The following SYNE1 variants were observed in gnomAD, a reference collection of about 807,000 sequenced individuals.
The protein encoded by SYNE1 is spectrin repeat containing nuclear envelope protein 1.
A neutral mutation model predicts 1,111.0 loss-of-function variants in SYNE1; 616 were observed. That is an observed-to-expected ratio of 0.55 (90% confidence interval 0.52 to 0.59). SYNE1 has a LOEUF of 0.59. SYNE1 is among the 20% of genes least tolerant of loss of function. The pLI, the probability that SYNE1 is intolerant of heterozygous loss-of-function variation, is 0.00. For missense variants in SYNE1, 10,006 were observed against 10,417.0 expected, an observed-to-expected ratio of 0.96 and a Z score of 1.72; for synonymous variants, 3,855 against 3,825.8, an observed-to-expected ratio of 1.01 and a Z score of -0.28.
At chr6:152,544,042 A>G (rs563584749) in intron 3 of SYNE1, among the ~76,000 whole-genome samples, 6 of 152,368 alleles carry the variant, frequency 3.9e-5, no homozygotes, top group African/African-American at 1.4e-4. Context: ...TTAAGAAAAC[A>G]GTTTAAATAT....
intron 39 of SYNE1, among the ~76,000 whole-genome samples, chr6:152,421,263 A>G (rs762768214): frequency 6.6e-6 from 1 of 152,232 alleles, no homozygotes; most frequent in Non-Finnish European, 1.5e-5. Context: ...GATTATCTGC[A>G]GGCACAGATA....
At chr6:152,514,209 CAA>C (rs2154341529) in intron 6 of SYNE1, among the ~76,000 whole-genome samples, 1 of 152,154 alleles carries the variant, frequency 6.6e-6, no homozygotes, top group East Asian at 1.9e-4. Context: ...TTCACAATAG[CAA>C]AGACTTGGAA....
rs764854502 is a variant in SYNE1 at position 152,145,559 on chromosome 6, C to CA, written c.24977-1795dup. 9.3e-6 allele frequency: 15 copies of CA among 1,612,048 alleles called. No individual in the cohort carries two copies. The African/African-American group carries it at 1.6e-4, about 17-fold the overall frequency. ...GGGCTTTCGGGGATCATTACATCTG[C>CA]AAAAAAAGCACAGTCTAAGTTGACA... On this transcript the variant is annotated intron_variant, in intron 137 of 145. Transcript: ENST00000367255.
intron 106 of SYNE1, among the ~76,000 whole-genome samples, chr6:152,243,946 A>G (rs1165540515): frequency 6.6e-6 from 1 of 152,206 alleles, no homozygotes; most frequent in Non-Finnish European, 1.5e-5. Context: ...CTAGCAAAGG[A>G]AATTAACCCA....
At chr6:152,628,242 A>G (rs1237344792) in intron 3 of SYNE1, 23 bp downstream of exon 3, 1 of 1,613,836 alleles carries the variant, frequency 6.2e-7, no homozygotes, top group Admixed American at 1.7e-5. Context: ...ATTTTTTTAA[A>G]ACCTGAAATT....
intron 3 of SYNE1, among the ~76,000 whole-genome samples, chr6:152,589,107 A>T (rs1272862092): frequency 6.6e-6 from 1 of 151,976 alleles, no homozygotes; most frequent in Admixed American, 6.5e-5. Context: ...GGATTTTACC[A>T]CATTGGCCAG....
chr6:152,553,676 C>T (rs1299676012), intron 3 of SYNE1, among the ~76,000 whole-genome samples: 1 of 152,148 alleles, frequency 6.6e-6, no homozygotes, highest in Non-Finnish European at 1.5e-5. Flanking sequence ...TGGGAACTGG[C>T]TCACCTATGA....
intron 16 of SYNE1, among the ~76,000 whole-genome samples, chr6:152,467,315 A>T (rs968323798): frequency 6.6e-6 from 1 of 152,080 alleles, no homozygotes; most frequent in Non-Finnish European, 1.5e-5. Flanking sequence ...ATATCTTCTT[A>T]TTACAACCCA....
At position 152,413,337 on chromosome 6, in the gene SYNE1, T is replaced by C; in HGVS notation, c.6230+15A>G. ...TGGGAAGCTAAAAACAAGAACTGGG[T>C]GGGTTTTGACTTACTTTTCATGAAT... On this transcript the variant is annotated intron_variant, in intron 42 of 145. Coordinates refer to ENST00000367255, the MANE Select transcript of SYNE1 (RefSeq NM_182961.4). 6.2e-7 allele frequency: 1 copy of C among 1,613,990 alleles called. No individual in the cohort carries two copies. Among genetic ancestry groups the C allele is most frequent in the Non-Finnish European group, 8.5e-7 (1 of 1,179,966 alleles).
intron 87 of SYNE1, among the ~76,000 whole-genome samples, chr6:152,315,024 G>A (rs1044198182): frequency 6.7e-6 from 1 of 148,756 alleles, no homozygotes; most frequent in African/African-American, 2.5e-5. Context: ...ATAACCTTAA[G>A]GACTTCATTA....
intron 108 of SYNE1, among the ~76,000 whole-genome samples, chr6:152,238,607 C>T (rs1345072411): frequency 1.3e-5 from 2 of 152,042 alleles, no homozygotes; most frequent in Non-Finnish European, 2.9e-5. Context: ...CAAATACGAC[C>T]TGCAGGCAAC....
At chr6:152,356,991 T>C (rs1416636721) in intron 66 of SYNE1, among the ~76,000 whole-genome samples, 1 of 152,146 alleles carries the variant, frequency 6.6e-6, no homozygotes, top group Non-Finnish European at 1.5e-5. Flanking sequence ...AGAAGGGTTA[T>C]GTAAAGAAAA....
At position 152,326,333 on chromosome 6, in the gene SYNE1, T is replaced by C; in HGVS notation, c.15256A>G (p.Ser5086Gly). Residue 5086 changes from serine (S) to glycine (G), a missense_variant, in exon 79 of 146, where the codon AGC becomes GGC. Ser to Gly is a moderately conservative substitution (Grantham distance 56, BLOSUM62 0). Transcript: ENST00000367255. Reference sequence around the variant, plus strand: ...TCCACTTGGGCACCAGAGTCCCGGCTCATCCTCTGGCTCCTGAGTTCCAGA... The same window carrying C: ...TCCACTTGGGCACCAGAGTCCCGGCCCATCCTCTGGCTCCTGAGTTCCAGA... ...ASLELRSQRM[S>G]RDSGAQVDLL... 1 of 1,614,160 alleles carries C rather than the reference T, an allele frequency of 6.2e-7. No individual in the cohort carries two copies. The highest frequency in any genetic ancestry group is 8.5e-7 in the Non-Finnish European group (1 of 1,180,014).
intron 44 of SYNE1, 113 bp downstream of exon 44, chr6:152,408,955 C>CAAAA: frequency 6.1e-5 from 54 of 887,668 alleles, no homozygotes; most frequent in Non-Finnish European, 7.8e-5. Flanking sequence ...ACTCTGTCTC[C>CAAAA]AAAAAAAAAA....
At chr6:152,613,508 A>G (rs2099637864) in intron 3 of SYNE1, among the ~76,000 whole-genome samples, 6 of 152,226 alleles carry the variant, frequency 3.9e-5, no homozygotes, top group Non-Finnish European at 8.8e-5. Context: ...GAGGACACAA[A>G]CAAATGGAAG....
chr6:152,284,334 T>G (rs1239853119), intron 95 of SYNE1, 162 bp from the exon 96 acceptor site: 15 of 794,810 alleles, frequency 1.9e-5, no homozygotes, highest in Non-Finnish European at 2.9e-5. Flanking sequence ...CATTTCTAAA[T>G]GAAAGGCCAG....
chr6:152,329,174 T>C (rs772894913), intron 78 of SYNE1, among the ~76,000 whole-genome samples: 3 of 152,208 alleles, frequency 2.0e-5, no homozygotes, highest in Non-Finnish European at 4.4e-5. Context: ...ATCACTGTTA[T>C]AAGCAAAGTG....
At chr6:152,175,147 T>A (rs2066115280) in intron 130 of SYNE1, among the ~76,000 whole-genome samples, 1 of 152,162 alleles carries the variant, frequency 6.6e-6, no homozygotes, top group Admixed American at 6.5e-5. Flanking sequence ...GCTGAGATTG[T>A]GCCACTGTAC....
chr6:152,169,689 C>T (rs929960806), intron 130 of SYNE1, among the ~76,000 whole-genome samples: 5 of 149,454 alleles, frequency 3.3e-5, no homozygotes, highest in African/African-American at 1.2e-4. Context: ...ATCTGTAGTC[C>T]CAGGTAATGA....
Sources: gnomAD v4.1 joint callset for allele counts (sites outside exome capture counted in the v4.1 genomes callset) on GRCh38, gnomAD v4.1.1 for gene constraint, MANE v1.5 for transcripts, NCBI Gene and HGNC (gene_info 2026-07-23, HGNC 2026-07-21) for gene names.